EHMT1: variants seen among roughly 807,000 people sequenced by gnomAD.
EHMT1 encodes histone-lysine N-methyltransferase EHMT1.
EHMT1 carries 15 observed loss-of-function variants against 147.2 expected under a neutral mutation model. The observed-to-expected ratio is 0.10, with a 90% CI of 0.07 to 0.16. The LOEUF (loss-of-function observed/expected upper bound fraction) is 0.16. Among genes scored for constraint, EHMT1 ranks in the 10% least tolerant of loss-of-function variants. EHMT1 has a pLI of 1.00. For synonymous variants in EHMT1, 795 were observed against 709.6 expected (o/e 1.12, Z -1.91); for missense variants, 1,587 against 1,772.4 (o/e 0.90, Z 1.88).
chr9:137,708,037 C>T (rs908440298), intron 1 of EHMT1, among the ~76,000 whole-genome samples: 5 of 152,162 alleles, frequency 3.3e-5, no homozygotes, highest in Non-Finnish European at 5.9e-5. Flanking sequence ...GAAATGAAAA[C>T]TGAAAAGTTA....
At chr9:137,741,930 C>G (rs747232278) in intron 4 of EHMT1, among the ~76,000 whole-genome samples, 3 of 152,192 alleles carry the variant, frequency 2.0e-5, no homozygotes, top group Non-Finnish European at 2.9e-5. Flanking sequence ...CACAAAATAT[C>G]TATTCAAAAT....
At chr9:137,832,318 GGC>G (rs1956258379) in intron 25 of EHMT1, among the ~76,000 whole-genome samples, 1 of 145,406 alleles carries the variant, frequency 6.9e-6, no homozygotes, top group African/African-American at 2.7e-5. Context: ...GAATTGGCTG[GGC>G]TCCCTCCACA....
At chr9:137,657,034 C>T (rs1245531336) in intron 1 of EHMT1, among the ~76,000 whole-genome samples, 1 of 152,210 alleles carries the variant, frequency 6.6e-6, no homozygotes, top group Non-Finnish European at 1.5e-5. Flanking sequence ...AGCCACCGTG[C>T]CTGGCCACCC....
chr9:137,672,101 TC>T (rs1374228944), intron 1 of EHMT1, among the ~76,000 whole-genome samples: 3 of 152,196 alleles, frequency 2.0e-5, no homozygotes, highest in African/African-American at 7.2e-5. Context: ...GTGCTGAGTG[TC>T]AGGCACGAGA....
intron 1 of EHMT1, among the ~76,000 whole-genome samples, chr9:137,671,287 G>C (rs893720032): frequency 5.3e-5 from 8 of 152,128 alleles, no homozygotes; most frequent in African/African-American, 1.9e-4. Flanking sequence ...GATTGCCAGT[G>C]ATTTTGTATG....
chr9:137,710,795 C>T (rs1462012407), intron 1 of EHMT1, among the ~76,000 whole-genome samples, 172 bp from the exon 2 acceptor site: 2 of 152,130 alleles, frequency 1.3e-5, no homozygotes, highest in East Asian at 1.9e-4. Context: ...GTTCTGAATG[C>T]CAGTTCTTCT....
At chr9:137,673,321 G>A (rs1463476608) in intron 1 of EHMT1, among the ~76,000 whole-genome samples, 1 of 152,108 alleles carries the variant, frequency 6.6e-6, no homozygotes, top group Non-Finnish European at 1.5e-5. Flanking sequence ...TTTTATATTT[G>A]TTGTATTTCT....
intron 8 of EHMT1, among the ~76,000 whole-genome samples, chr9:137,756,733 G>A (rs1018375595): frequency 6.6e-6 from 1 of 152,240 alleles, no homozygotes; most frequent in Non-Finnish European, 1.5e-5. Context: ...CATCTTGGCT[G>A]TAATGTGCAA....
At chr9:137,792,160 A>G in intron 16 of EHMT1, 1 of 465,442 alleles carries the variant, frequency 2.1e-6, no homozygotes, top group Non-Finnish European at 4.4e-6. Context: ...TGATTTCAAA[A>G]CTTACTATAT....
In EHMT1 at chr9:137,817,040, G is replaced by A. The variant is rs916483444; in HGVS notation, c.3375-399G>A. ...TGCCACCCTCCCCCAGCCCTGAGGG[G>A]CCTGTGGGCTCCTTGTCGGGAGCAG... On this transcript the variant is annotated intron_variant, in intron 23 of 26. Coordinates refer to ENST00000460843, the MANE Select transcript of EHMT1 (RefSeq NM_024757.5). 1.5e-4 allele frequency: 44 copies of A among 286,338 alleles called. 1 individual carries two copies. The Admixed American group carries it at 1.9e-3, about 12-fold the overall frequency. The allele number at this position is 286,338 out of a possible 1,614,324, so 17.7% of individuals were successfully genotyped here.
rs1340253974 is a variant in EHMT1 at position 137,762,530 on chromosome 9, G to A, written c.1502-145G>A. 3.5e-6 allele frequency: 5 copies of A among 1,413,576 alleles called. No homozygotes were observed. The Admixed American group carries it at 5.9e-5, about 17-fold the overall frequency. 87.6% of individuals were successfully genotyped at this position (1,413,576 alleles called of 1,614,324 possible). On this transcript the variant is annotated intron_variant, in intron 9 of 26. Transcript: ENST00000460843. ...CAGGTGGTGGCCATCCCCGCCCCAC[G>A]CAGGGCTGTTTGTGCTGGGTAATCA...
intron 3 of EHMT1, among the ~76,000 whole-genome samples, chr9:137,718,286 G>C (rs534898142): frequency 6.6e-6 from 1 of 152,360 alleles, no homozygotes; most frequent in South Asian, 2.1e-4. Context: ...GTGCATACAC[G>C]ATACAGGTTT....
chr9:137,624,778 T>C (rs1257621683), intron 1 of EHMT1, among the ~76,000 whole-genome samples: 1 of 151,640 alleles, frequency 6.6e-6, no homozygotes, highest in Non-Finnish European at 1.5e-5. Flanking sequence ...TTTCTGTTTT[T>C]GTAGAGACAG....
intron 1 of EHMT1, among the ~76,000 whole-genome samples, chr9:137,636,906 T>G (rs1456540295): frequency 6.7e-6 from 1 of 149,456 alleles, no homozygotes; most frequent in Non-Finnish European, 1.5e-5. Context: ...CTTTTTTTTT[T>G]TTTTTTTTTG....
chr9:137,724,111 G>T (rs1279966606), intron 3 of EHMT1, among the ~76,000 whole-genome samples: 1 of 152,236 alleles, frequency 6.6e-6, no homozygotes, highest in South Asian at 2.1e-4. Flanking sequence ...CTCTCTGTGT[G>T]TGTGTTTCCA....
chr9:137,715,531 G>C, intron 2 of EHMT1: 1 of 985,328 alleles, frequency 1.0e-6, no homozygotes, highest in Non-Finnish European at 1.2e-6. Flanking sequence ...GAAGAACAGA[G>C]CCAGGAAGGA....
chr9:137,750,280 G>A (rs1392800686), intron 6 of EHMT1, among the ~76,000 whole-genome samples: 1 of 152,152 alleles, frequency 6.6e-6, no homozygotes, highest in Non-Finnish European at 1.5e-5. Context: ...ATTTCAAGCT[G>A]CACAAACACA....
intron 1 of EHMT1, among the ~76,000 whole-genome samples, chr9:137,669,648 C>G (rs1444883739): frequency 2.0e-5 from 3 of 151,948 alleles, no homozygotes; most frequent in African/African-American, 7.3e-5. Flanking sequence ...ACTTTTTGCT[C>G]TCTTCGGAGC....
chr9:137,777,768 A>T, intron 12 of EHMT1, 114 bp from the exon 13 acceptor site: 1 of 1,455,964 alleles, frequency 6.9e-7, no homozygotes, highest in East Asian at 2.3e-5. Context: ...GACTAAGCGG[A>T]CAGTAAGCAA....
Sources: gnomAD v4.1 joint callset for allele counts (sites outside exome capture counted in the v4.1 genomes callset) on GRCh38, gnomAD v4.1.1 for gene constraint, MANE v1.5 for transcripts, NCBI Gene and HGNC (gene_info 2026-07-23, HGNC 2026-07-21) for gene names.